ANO5: variants seen among roughly 807,000 people sequenced by gnomAD.
The protein encoded by ANO5 is anoctamin 5, also known as anoctamin-5.
A neutral mutation model predicts 121.0 loss-of-function variants in ANO5; 109 were observed. That is an observed-to-expected ratio of 0.90 (90% confidence interval 0.77 to 1.06). The LOEUF is 1.06. Ranked by LOEUF, ANO5 falls within the 50% of genes least tolerant of loss-of-function variation. The pLI is 0.00. For missense variants in ANO5, 1,064 were observed against 1,078.5 expected, an observed-to-expected ratio of 0.99 and a Z score of 0.19; for synonymous variants, 406 against 359.9, an observed-to-expected ratio of 1.13 and a Z score of -1.45.
chr11:22,201,586 T>C (rs1038271272), intron 1 of ANO5, among the ~76,000 whole-genome samples: 1 of 152,074 alleles, frequency 6.6e-6, no homozygotes, highest in Non-Finnish European at 1.5e-5. Flanking sequence ...TTATAAACAA[T>C]AGAAGTTTAT....
At chr11:22,237,547 T>G (rs920982546) in intron 8 of ANO5, among the ~76,000 whole-genome samples, 5 of 152,146 alleles carry the variant, frequency 3.3e-5, no homozygotes, top group African/African-American at 1.2e-4. Context: ...CACACCATCA[T>G]GCCTGGCTAA....
At chr11:22,220,126 A>G (rs1360657169) in intron 4 of ANO5, among the ~76,000 whole-genome samples, 3 of 151,936 alleles carry the variant, frequency 2.0e-5, no homozygotes, top group East Asian at 1.9e-4. Flanking sequence ...AAAAAATCCC[A>G]TAGGGTACAA....
At chr11:22,207,305 G>T (rs1852150075) in intron 2 of ANO5, among the ~76,000 whole-genome samples, 1 of 152,098 alleles carries the variant, frequency 6.6e-6, no homozygotes, top group Non-Finnish European at 1.5e-5. Flanking sequence ...TTCTTTAGCT[G>T]CAGTCTAATG....
Position 22,236,246 on chromosome 11 carries a change from C to A in ANO5, c.732C>A (p.Asn244Lys). Reference protein sequence around the residue: ...RFGIERLLNSNTYSSAYPLHD... With the variant: ...RFGIERLLNSKTYSSAYPLHD... The stretch of plus-strand genomic sequence containing the variant: ...GGATTGAAAGACTGCTAAACTCTAA[C>A]ACTTACTCATCTGCCTATCCACTCC... Residue 244 changes from asparagine to lysine, a missense_variant, in exon 8 of 22, where the codon AAC becomes AAA. By Grantham distance (94) the Asn-to-Lys change is moderately conservative. Transcript: ENST00000324559. 1 of 1,613,024 alleles carries A rather than the reference C, an allele frequency of 6.2e-7. No homozygotes were observed.
chr11:22,282,213 T>C lies in ANO5; in HGVS notation c.*2448T>C, dbSNP rs775013531. 6.6e-6 allele frequency: 1 copy of C among 152,164 alleles called. No homozygotes were observed. The highest frequency in any genetic ancestry group is 1.5e-5 in the Non-Finnish European group (1 of 68,006). 9.4% of individuals were successfully genotyped at this position (152,164 alleles called of 1,614,324 possible). A position where few individuals can be genotyped will look rare whatever the true frequency, so the allele number is the denominator to read the frequency against. On this transcript the variant is annotated 3_prime_UTR_variant, in exon 22 of 22. Coordinates refer to ENST00000324559, the MANE Select transcript of ANO5 (RefSeq NM_213599.3). The stretch of plus-strand genomic sequence containing the variant: ...TGTTTTCAGAATGTTCTAGGGAACA[T>C]TTGAGATTTTATGTGAAATAAAATT...
intron 8 of ANO5, among the ~76,000 whole-genome samples, chr11:22,236,648 A>G (rs543434042): frequency 2.0e-5 from 3 of 152,290 alleles, no homozygotes; most frequent in Admixed American, 1.3e-4. Flanking sequence ...AAGAATTTAA[A>G]TTACCTGCAT....
At chr11:22,202,039 T>C (rs1302432253) in intron 1 of ANO5, among the ~76,000 whole-genome samples, 1 of 151,914 alleles carries the variant, frequency 6.6e-6, no homozygotes, top group Non-Finnish European at 1.5e-5. Flanking sequence ...AAGGGTGAGG[T>C]TGGAGAGGTT....
intron 3 of ANO5, among the ~76,000 whole-genome samples, chr11:22,217,857 T>C (rs1852501828): frequency 6.6e-6 from 1 of 151,858 alleles, no homozygotes; most frequent in East Asian, 1.9e-4. Context: ...GATGAAATAA[T>C]CTGTACAACC....
At chr11:22,269,816 A>T (rs1017682280) in intron 17 of ANO5, among the ~76,000 whole-genome samples, 14 of 152,174 alleles carry the variant, frequency 9.2e-5, no homozygotes, top group South Asian at 2.1e-4. Flanking sequence ...GCCTCTTTTT[A>T]AAAAAAGTGG....
rs1334316805 is a variant in ANO5 at position 22,279,986 on chromosome 11, T to C, written c.*221T>C. 1.3e-5 allele frequency: 7 copies of C among 541,294 alleles called. No homozygotes were observed. Among genetic ancestry groups the C allele is most frequent in the South Asian group, 6.7e-5 (3 of 44,466 alleles). The allele number at this position is 541,294 out of a possible 1,614,324, so 33.5% of individuals were successfully genotyped here. ...TCATTGACTGGGCCCTCTCCAGATG[T>C]TGTTTTCTGAGGTGCTGTAAATGAC... On this transcript the variant is annotated 3_prime_UTR_variant, in exon 22 of 22. Transcript: ENST00000324559.
At chr11:22,256,858 A>G (rs1854016733) in intron 13 of ANO5, among the ~76,000 whole-genome samples, 1 of 152,180 alleles carries the variant, frequency 6.6e-6, no homozygotes, top group Non-Finnish European at 1.5e-5. Flanking sequence ...ATGCATACAG[A>G]TGCATGAACA....
In ANO5 at chr11:22,197,369, G is replaced by A. The variant is rs528851112; in HGVS notation, c.40+3837G>A. On this transcript the variant is annotated intron_variant, in intron 1 of 21. Coordinates refer to ENST00000324559, the MANE Select transcript of ANO5 (RefSeq NM_213599.3). ...TTTAACTTTTTTTTTTTTTTTTGAG[G>A]TCTTACTCTGTTGCCCAGGCTGGAG... Among the ~76,000 whole-genome samples the A allele has an allele frequency of 1.3e-4, 19 of 143,872 alleles. No homozygotes were observed. In the South Asian group the frequency reaches 4.1e-3, roughly 31 times the overall value. The allele number at this position is 143,872 out of a possible 152,430, so 94.4% of individuals were successfully genotyped here.
chr11:22,250,266 A>G lies in ANO5; in HGVS notation c.908A>G (p.Tyr303Cys), dbSNP rs1347153816. 6.2e-7 allele frequency: 1 copy of G among 1,602,166 alleles called. No individual in the cohort carries two copies. Among genetic ancestry groups the G allele is most frequent in the East Asian group, 2.2e-5 (1 of 44,698 alleles). The change falls in exon 10 of 22, where the codon TAT (tyrosine) becomes TGT (cysteine). Residue 303 changes from tyrosine (Y) to cysteine (C), a missense_variant. Transcript: ENST00000324559. ...TATTATGGAGAAAAAATTGGTATCT[A>G]TTTTGTCTTTCTTGGATTTTACACA... Reference protein sequence around the residue: ...KNYYGEKIGIYFVFLGFYTEM... With the variant: ...KNYYGEKIGICFVFLGFYTEM...
At chr11:22,226,813 T>C (rs1303291255) in intron 6 of ANO5, among the ~76,000 whole-genome samples, 1 of 152,154 alleles carries the variant, frequency 6.6e-6, no homozygotes, top group Non-Finnish European at 1.5e-5. Flanking sequence ...TCCTATGCCA[T>C]GAACCTTTGT....
chr11:22,263,796 G>GA (rs1357561815), intron 17 of ANO5, among the ~76,000 whole-genome samples: 1 of 152,104 alleles, frequency 6.6e-6, no homozygotes, highest in African/African-American at 2.4e-5. Flanking sequence ...AACTGCACTT[G>GA]AAGCCAGAGA....
chr11:22,267,245 A>C (rs1854397631), intron 17 of ANO5, among the ~76,000 whole-genome samples: 1 of 151,902 alleles, frequency 6.6e-6, no homozygotes, highest in Non-Finnish European at 1.5e-5. Flanking sequence ...ACATTTTAAC[A>C]TTATTGTTTT....
chr11:22,272,770 T>C lies in ANO5; in HGVS notation c.2030-14T>C, dbSNP rs781033861. 1.2e-6 allele frequency: 2 copies of C among 1,610,966 alleles called. No homozygotes were observed. Among genetic ancestry groups the C allele is most frequent in the Non-Finnish European group, 1.7e-6 (2 of 1,177,332 alleles). On this transcript the variant is annotated splice_polypyrimidine_tract_variant and intron_variant, in intron 18 of 21. Transcript: ENST00000324559. ...TCACAATAATGAGTTCATGCCTTTT[T>C]CTTTTCTCTACAGTTACTCAATTTG...
chr11:22,273,062 T>A, intron 19 of ANO5, 73 bp downstream of exon 19: 1 of 1,375,612 alleles, frequency 7.3e-7, no homozygotes, highest in Non-Finnish European at 1.0e-6. Context: ...GAATGATGCT[T>A]AATCTTTACA....
chr11:22,204,056 A>T (rs976974021), intron 2 of ANO5, among the ~76,000 whole-genome samples: 38 of 152,188 alleles, frequency 2.5e-4, no homozygotes, highest in African/African-American at 7.9e-4. Context: ...GAACAAATAG[A>T]TCTTTGATTT....
Sources: gnomAD v4.1 joint callset for allele counts (sites outside exome capture counted in the v4.1 genomes callset) on GRCh38, gnomAD v4.1.1 for gene constraint, MANE v1.5 for transcripts, NCBI Gene and HGNC (gene_info 2026-07-23, HGNC 2026-07-21) for gene names.